The following ZNF469 variants were observed in gnomAD, a reference collection of about 807,000 sequenced individuals.
The protein encoded by ZNF469 is zinc finger protein 469.
A neutral mutation model predicts 1.0 loss-of-function variants in ZNF469; 1 was observed. That is an observed-to-expected ratio of 1.00 (90% confidence interval 0.35 to 4.73). The LOEUF is 4.73. Among genes scored for constraint, ZNF469 ranks in the 30% most tolerant of loss-of-function variants. The probability of loss-of-function intolerance (pLI) is 0.16; values close to 1 mark genes in which losing one functional copy is unlikely to be tolerated. For missense variants in ZNF469, 6,100 were observed against 5,356.3 expected (o/e 1.14, Z -4.33); for synonymous variants, 2,703 against 2,363.4 (o/e 1.14, Z -4.17).
the ZNF469 span, among the ~76,000 whole-genome samples, chr16:88,300,975 G>A: frequency 6.6e-6 from 1 of 152,034 alleles, no homozygotes; most frequent in Non-Finnish European, 1.5e-5. Context: ...TGAGGCAGGA[G>A]AATCCATTGA....
the ZNF469 span, among the ~76,000 whole-genome samples, chr16:88,149,054 C>T: frequency 6.6e-6 from 1 of 152,182 alleles, no homozygotes; most frequent in South Asian, 2.1e-4. Flanking sequence ...AAATCAAAGC[C>T]ACCTGTGTTC....
the ZNF469 span, among the ~76,000 whole-genome samples, chr16:88,164,277 G>A: frequency 1.3e-5 from 2 of 152,048 alleles, no homozygotes; most frequent in East Asian, 3.9e-4. Flanking sequence ...ATATGTGGAT[G>A]GGTAGATGAA....
intron 1 of ZNF469, among the ~76,000 whole-genome samples, chr16:88,401,337 G>T (rs996639923): frequency 9.2e-5 from 14 of 152,366 alleles, no homozygotes; most frequent in African/African-American, 3.4e-4. Flanking sequence ...CTTACTCCAG[G>T]ACGCCACAGC....
At chr16:88,134,491 C>T in the ZNF469 span, among the ~76,000 whole-genome samples, 2 of 152,208 alleles carry the variant, frequency 1.3e-5, no homozygotes, top group African/African-American at 4.8e-5. Context: ...TGCAATGAGC[C>T]GTGTTGCAAT....
the ZNF469 span, among the ~76,000 whole-genome samples, chr16:88,262,503 A>G: frequency 9.2e-5 from 14 of 152,170 alleles, no homozygotes; most frequent in African/African-American, 3.1e-4. This position sits in a 1 kb window ranked among gnomAD's most constrained non-coding sequence, Gnocchi z 4.3. Flanking sequence ...CCACGGCTGG[A>G]GGAAGATGGG....
chr16:88,113,716 C>T, the ZNF469 span, among the ~76,000 whole-genome samples: 1 of 152,222 alleles, frequency 6.6e-6, no homozygotes, highest in African/African-American at 2.4e-5. Flanking sequence ...CCCTCTGGGA[C>T]AGGCGGTGCA....
intron 1 of ZNF469, among the ~76,000 whole-genome samples, chr16:88,388,598 G>A (rs962966039): frequency 6.6e-6 from 1 of 152,240 alleles, no homozygotes; most frequent in African/African-American, 2.4e-5. Context: ...TCCGGGCAGG[G>A]GCAGGAATGT....
chr16:88,424,197 G>A lies in ZNF469; in HGVS notation c.-191-610G>A, dbSNP rs770489461. ...TCTGGGTGCTCTGCAGCCTGGATGC[G>A]AGGACGAGTGGACAGAGAGTGAGAA... On this transcript the variant is annotated intron_variant, in intron 1 of 2. Transcript: ENST00000565624. The surrounding 1 kb of genome is among the most constrained non-coding windows in gnomAD (Gnocchi z 4.3). 3.3e-5 allele frequency among the ~76,000 whole-genome samples: 5 copies of A among 152,248 alleles called. No individual in the cohort carries two copies. The highest frequency in any genetic ancestry group is 4.4e-5 in the Non-Finnish European group (3 of 68,042).
chr16:88,247,051 G>A, the ZNF469 span, among the ~76,000 whole-genome samples: 14 of 100,328 alleles, frequency 1.4e-4, no homozygotes, highest in South Asian at 1.8e-3. Context: ...GAATGAATGA[G>A]TGAGTGATTG....
At chr16:88,146,089 G>A in the ZNF469 span, among the ~76,000 whole-genome samples, 11 of 152,342 alleles carry the variant, frequency 7.2e-5, no homozygotes, top group South Asian at 2.1e-4. Flanking sequence ...CTGCCTGCTC[G>A]CCCTGGCTGT....
the ZNF469 span, among the ~76,000 whole-genome samples, chr16:88,136,617 G>A: frequency 4.6e-5 from 7 of 152,376 alleles, no homozygotes; most frequent in East Asian, 3.9e-4. Context: ...GTGGGGGCCC[G>A]TTGACATTTT....
chr16:88,381,763 T>G (rs2092525953), upstream of ZNF469, among the ~76,000 whole-genome samples: 1 of 152,272 alleles, frequency 6.6e-6, no homozygotes, highest in Non-Finnish European at 1.5e-5. Flanking sequence ...TGCCATGTGC[T>G]GCGATGCCAG....
the ZNF469 span, among the ~76,000 whole-genome samples, chr16:88,204,928 C>G: frequency 6.6e-6 from 1 of 152,332 alleles, no homozygotes; most frequent in African/African-American, 2.4e-5. Flanking sequence ...GGAAGTCGGA[C>G]AGCACAGTGC....
the ZNF469 span, among the ~76,000 whole-genome samples, chr16:88,246,907 G>C: frequency 0.021 from 3,229 of 151,804 alleles, 113 homozygotes; most frequent in African/African-American, 0.075. Context: ...GAGTGAATGA[G>C]TCAATCAGTG....
In ZNF469 at chr16:88,437,985, C is replaced by T; in HGVS notation, c.10515C>T (p.Leu3505=). The T allele has an allele frequency of 6.5e-7, 1 of 1,548,490 alleles. No individual in the cohort carries two copies. Among genetic ancestry groups the T allele is most frequent in the Non-Finnish European group, 8.7e-7 (1 of 1,146,884 alleles). The part of the protein sequence containing the change: ...GSSPILSEGS[L]PALLHLCSEV... ...GCCCCATCCTGAGTGAGGGCTCTCT[C>T]CCGGCCCTGCTCCACCTGTGTTCGG... The change falls in exon 3 of 3, where the codon CTC becomes CTT. Residue 3505 remains leucine, a synonymous_variant. Coordinates refer to ENST00000565624, the MANE Select transcript of ZNF469 (RefSeq NM_001367624.2).
At chr16:88,147,242 C>G in the ZNF469 span, among the ~76,000 whole-genome samples, 1 of 152,076 alleles carries the variant, frequency 6.6e-6, no homozygotes, top group Non-Finnish European at 1.5e-5. Context: ...GCCTGGGAAG[C>G]TGGAAAGGTG....
Position 88,431,705 on chromosome 16 carries a change from G to C in ZNF469, c.4235G>C (p.Ser1412Thr), listed in dbSNP as rs576089886. ...GCCAGGGATGCCCCGCCGGCCAGCAGCTCCTGCCTTTGCCAGGACGGCGAG... is the reference window on the plus strand; with the variant it reads ...GCCAGGGATGCCCCGCCGGCCAGCACCTCCTGCCTTTGCCAGGACGGCGAG... ...PSARDAPPAS[S>T]SCLCQDGEDA... Residue 1412 changes from serine to threonine, a missense_variant, in exon 3 of 3, where the codon AGC becomes ACC. Ser to Thr is a moderately conservative substitution (Grantham distance 58, BLOSUM62 1). Transcript: ENST00000565624. 6.5e-6 allele frequency: 10 copies of C among 1,550,366 alleles called. No homozygotes were observed. The highest frequency in any genetic ancestry group is 2.6e-6 in the Non-Finnish European group (3 of 1,146,980).
the ZNF469 span, among the ~76,000 whole-genome samples, chr16:88,123,032 G>T: frequency 6.6e-6 from 1 of 152,042 alleles, no homozygotes; most frequent in Non-Finnish European, 1.5e-5. Context: ...TTGCCTCTTT[G>T]TTGGCTATCA....
the ZNF469 span, among the ~76,000 whole-genome samples, chr16:88,124,327 G>A: frequency 6.6e-6 from 1 of 152,120 alleles, no homozygotes; most frequent in South Asian, 2.1e-4. Flanking sequence ...TCCACCTTCT[G>A]GGCTCCTCCC....
Sources: gnomAD v4.1 joint callset for allele counts (sites outside exome capture counted in the v4.1 genomes callset) on GRCh38, gnomAD v4.1.1 for gene constraint, Gnocchi (gnomAD v3.1) non-coding constraint, MANE v1.5 for transcripts, NCBI Gene and HGNC (gene_info 2026-07-23, HGNC 2026-07-21) for gene names.